Variants in DENND1A observed in about 807,000 individuals in gnomAD.
DENND1A encodes DENN domain containing 1A.
Under a neutral mutation model 113.7 loss-of-function variants are expected in DENND1A, and 51 were observed. The observed-to-expected ratio is 0.45, with a 90% confidence interval of 0.36 to 0.57. DENND1A has a LOEUF of 0.57. Ranked by LOEUF, DENND1A falls within the 20% of genes least tolerant of loss-of-function variation. DENND1A has a pLI of 0.00. For synonymous variants in DENND1A, 565 were observed against 570.8 expected, an observed-to-expected ratio of 0.99 and a Z score of 0.14; for missense variants, 1,258 against 1,395.9, an observed-to-expected ratio of 0.90 and a Z score of 1.57.
intron 13 of DENND1A, among the ~76,000 whole-genome samples, chr9:123,482,426 A>G (rs746155811): frequency 3.9e-5 from 6 of 152,176 alleles, no homozygotes; most frequent in South Asian, 2.1e-4. Flanking sequence ...ACACAAACAC[A>G]CACATGGTCA....
At chr9:123,799,270 TAG>T (rs1834249004) in intron 2 of DENND1A, among the ~76,000 whole-genome samples, 1 of 152,230 alleles carries the variant, frequency 6.6e-6, no homozygotes, top group South Asian at 2.1e-4. Context: ...AGCTATGCTA[TAG>T]AGACTATCAA....
chr9:123,456,833 CA>C (rs1383691263), intron 15 of DENND1A: 2 of 152,550 alleles, frequency 1.3e-5, no homozygotes, highest in Non-Finnish European at 1.5e-5. Context: ...ACAATAACAA[CA>C]AAAAAAACTT....
chr9:123,437,501 T>G lies in DENND1A; in HGVS notation c.1488+2859A>C, dbSNP rs1272101079. 8.5e-5 allele frequency: 13 copies of G among 152,332 alleles called. No homozygotes were observed. In the East Asian group the frequency reaches 2.5e-3, roughly 29 times the overall value. The allele number at this position is 152,332 out of a possible 1,614,324, so 9.4% of individuals were successfully genotyped here. A position where few individuals can be genotyped will look rare whatever the true frequency, so the allele number is the denominator to read the frequency against. ...TCCATCCCCACTGGCAAGCTAAATC[T>G]TCTTAAATAACGAAATCCACAGAAA... is the stretch of plus-strand genomic sequence containing the variant. On this transcript the variant is annotated intron_variant, in intron 19 of 23. Transcript: ENST00000394215.
chr9:123,471,631 G>A (rs1188654061), intron 13 of DENND1A, among the ~76,000 whole-genome samples: 1 of 152,220 alleles, frequency 6.6e-6, no homozygotes, highest in Non-Finnish European at 1.5e-5. Context: ...CTCTGTGGCT[G>A]CACGTTGACT....
chr9:123,877,175 C>A (rs372278461), intron 2 of DENND1A, among the ~76,000 whole-genome samples: 1 of 152,162 alleles, frequency 6.6e-6, no homozygotes, highest in South Asian at 2.1e-4. Context: ...GCTCTTGTAA[C>A]CCCTAAACTT....
intron 18 of DENND1A, among the ~76,000 whole-genome samples, chr9:123,447,325 G>A (rs1381776672): frequency 2.0e-5 from 3 of 152,196 alleles, no homozygotes; most frequent in Admixed American, 1.3e-4. Context: ...TTGAAGCAGA[G>A]CAGGTATGGA....
chr9:123,604,905 T>C (rs1464417848), intron 11 of DENND1A, among the ~76,000 whole-genome samples: 1 of 152,178 alleles, frequency 6.6e-6, no homozygotes, highest in East Asian at 1.9e-4. Flanking sequence ...CAGCAAGGAT[T>C]GCTGACCTTT....
chr9:123,449,193 T>C (rs1406144665), intron 18 of DENND1A, among the ~76,000 whole-genome samples: 2 of 152,156 alleles, frequency 1.3e-5, no homozygotes, highest in East Asian at 3.9e-4. Flanking sequence ...GTTCTGAGGA[T>C]TAAGTGTGAA....
chr9:123,619,078 C>G (rs978048299), intron 10 of DENND1A, among the ~76,000 whole-genome samples: 1 of 152,136 alleles, frequency 6.6e-6, no homozygotes, highest in Non-Finnish European at 1.5e-5. Flanking sequence ...CTCAGAGTAG[C>G]TGGGATTACA....
At chr9:123,630,330 C>G in intron 10 of DENND1A, 46 bp downstream of exon 10, 1 of 1,321,400 alleles carries the variant, frequency 7.6e-7, no homozygotes. Flanking sequence ...CACGCCCAGT[C>G]AGATCAGGGC....
intron 1 of DENND1A, among the ~76,000 whole-genome samples, chr9:123,922,704 C>G (rs1348700089): frequency 6.6e-6 from 1 of 152,152 alleles, no homozygotes; most frequent in Non-Finnish European, 1.5e-5. Flanking sequence ...CCTTTTATCT[C>G]CCCATGACTT....
At chr9:123,476,795 G>A (rs1161910676) in intron 13 of DENND1A, among the ~76,000 whole-genome samples, 1 of 152,122 alleles carries the variant, frequency 6.6e-6, no homozygotes, top group Non-Finnish European at 1.5e-5. Context: ...AGATATTGTT[G>A]CTGTGTCCAC....
At chr9:123,626,926 C>T (rs558491550) in intron 10 of DENND1A, among the ~76,000 whole-genome samples, 1 of 152,224 alleles carries the variant, frequency 6.6e-6, no homozygotes, top group Non-Finnish European at 1.5e-5. Flanking sequence ...ACTGCTCTTC[C>T]TCCCTCAGGA....
chr9:123,802,656 T>C (rs1350188236), intron 2 of DENND1A, among the ~76,000 whole-genome samples: 1 of 152,030 alleles, frequency 6.6e-6, no homozygotes, highest in East Asian at 1.9e-4. Flanking sequence ...GCACTCTTCC[T>C]TCTTCTATTC....
At chr9:123,446,759 G>C (rs369114981) in intron 18 of DENND1A, among the ~76,000 whole-genome samples, 5 of 152,162 alleles carry the variant, frequency 3.3e-5, no homozygotes, top group African/African-American at 1.2e-4. Context: ...CAAGGCTGCA[G>C]TGATTGTGCC....
chr9:123,589,007 C>T (rs945674338), intron 11 of DENND1A, among the ~76,000 whole-genome samples: 2 of 152,068 alleles, frequency 1.3e-5, no homozygotes, highest in African/African-American at 4.8e-5. Context: ...ATCTCGTGAT[C>T]CACCCACCTC....
intron 12 of DENND1A, among the ~76,000 whole-genome samples, chr9:123,563,665 T>G (rs1443725024): frequency 2.0e-5 from 3 of 152,234 alleles, no homozygotes; most frequent in Non-Finnish European, 4.4e-5. Context: ...TAATTCATCC[T>G]TCGCATTGAA....
chr9:123,514,189 C>T (rs1351998400), intron 13 of DENND1A, among the ~76,000 whole-genome samples: 1 of 151,560 alleles, frequency 6.6e-6, no homozygotes, highest in African/African-American at 2.4e-5. Context: ...GGGTCATGGA[C>T]CCAACATGCT....
At chr9:123,740,684 G>A (rs540377672) in intron 5 of DENND1A, among the ~76,000 whole-genome samples, 93 of 152,186 alleles carry the variant, frequency 6.1e-4, no homozygotes, top group African/African-American at 2.0e-3. Context: ...TACAAAGTAG[G>A]CCTCATTATC....
Sources: allele counts gnomAD v4.1 joint callset (sites outside exome capture counted in the v4.1 genomes callset), GRCh38; gene constraint gnomAD v4.1.1; transcripts MANE v1.5; gene names NCBI Gene and HGNC (gene_info 2026-07-23, HGNC 2026-07-21).